Variants in ZNF385D observed in about 807,000 individuals in gnomAD.
The protein encoded by ZNF385D is zinc finger protein 385D.
A neutral mutation model predicts 35.8 loss-of-function variants in ZNF385D; 15 were observed. That is an observed-to-expected ratio of 0.42 (90% CI 0.28 to 0.64). The LOEUF (loss-of-function observed/expected upper bound fraction) is 0.64, where lower values mean the gene tolerates loss of function less well. Among genes scored for constraint, ZNF385D ranks in the 30% least tolerant of loss-of-function variants. The pLI is 0.23. For missense variants in ZNF385D, 474 were observed against 494.6 expected, an observed-to-expected ratio of 0.96 and a Z score of 0.39; for synonymous variants, 212 against 186.8, an observed-to-expected ratio of 1.13 and a Z score of -1.10.
chr3:21,912,027 T>G (rs1699986239), intron 3 of ZNF385D, among the ~76,000 whole-genome samples: 1 of 151,920 alleles, frequency 6.6e-6, no homozygotes, highest in Non-Finnish European at 1.5e-5. Context: ...ATATTTGAAC[T>G]AAACAAAATT....
chr3:21,450,397 T>C (rs73042502), intron 4 of ZNF385D, among the ~76,000 whole-genome samples: 42,233 of 152,012 alleles, frequency 0.28, 6,500 homozygotes, highest in East Asian at 0.43. Context: ...AAATAAGAAA[T>C]GTATGTATGT....
chr3:22,211,782 T>C (rs1029436263), intron 2 of ZNF385D, among the ~76,000 whole-genome samples: 1 of 151,928 alleles, frequency 6.6e-6, no homozygotes, highest in East Asian at 1.9e-4. Flanking sequence ...TTGACTACAC[T>C]CTGAGACTTT....
intron 3 of ZNF385D, among the ~76,000 whole-genome samples, chr3:22,096,353 T>A (rs1024673818): frequency 1.5e-5 from 2 of 133,472 alleles, no homozygotes; most frequent in Non-Finnish European, 3.5e-5. Flanking sequence ...TAAATACAAA[T>A]TTTTTTAAAA....
rs371386042 is a variant in ZNF385D, at chr3:21,804,406, G to A, written c.326-139378C>T. ...TACCAGTGGACAGTAACGTTTTCAAGAAATTAATCACGTGAAAAATTGAGT... is the reference window on the plus strand; with the variant it reads ...TACCAGTGGACAGTAACGTTTTCAAAAAATTAATCACGTGAAAAATTGAGT... On this transcript the variant is annotated intron_variant, in intron 3 of 5. Transcript: ENST00000494108. 2.6e-5 allele frequency among the ~76,000 whole-genome samples: 4 copies of A among 152,264 alleles called. No homozygotes were observed. The South Asian group carries it at 6.2e-4, about 24-fold the overall frequency.
At chr3:22,361,466 G>T in intron 2 of ZNF385D, among the ~76,000 whole-genome samples, 1 of 152,124 alleles carries the variant, frequency 6.6e-6, no homozygotes, top group South Asian at 2.1e-4. Flanking sequence ...TTCAGCATTC[G>T]CATAAAAGTA....
At chr3:21,917,073 A>G (rs1700224222) in intron 3 of ZNF385D, among the ~76,000 whole-genome samples, 1 of 152,222 alleles carries the variant, frequency 6.6e-6, no homozygotes, top group South Asian at 2.1e-4. Flanking sequence ...TCCATTAAAT[A>G]GAGTCCATTA....
chr3:22,085,936 A>G (rs75729948), intron 3 of ZNF385D, among the ~76,000 whole-genome samples: 3,295 of 152,326 alleles, frequency 0.022, 137 homozygotes, highest in African/African-American at 0.075. Flanking sequence ...TCACATAAAC[A>G]CAACCAATGA....
chr3:21,755,528 T>C (rs897925351), upstream of ZNF385D, among the ~76,000 whole-genome samples: 4 of 152,192 alleles, frequency 2.6e-5, no homozygotes, highest in African/African-American at 7.2e-5. Flanking sequence ...AATCAATCTT[T>C]GGGTGTCTGT....
intron 7 of ZNF385D, 29 bp from the exon 8 acceptor site, chr3:21,421,476 A>C: frequency 1.3e-6 from 2 of 1,564,804 alleles, no homozygotes; most frequent in Non-Finnish European, 8.7e-7. Context: ...ATTGTAAAAA[A>C]AACAACAGTT....
At chr3:22,189,751 A>G (rs1417311493) in intron 2 of ZNF385D, among the ~76,000 whole-genome samples, 1 of 152,166 alleles carries the variant, frequency 6.6e-6, no homozygotes, top group Non-Finnish European at 1.5e-5. Context: ...CAATAAGCCA[A>G]ATTTAAATAG....
chr3:21,459,534 T>C (rs1703036687), intron 4 of ZNF385D: 1 of 152,080 alleles, frequency 6.6e-6, no homozygotes, highest in Non-Finnish European at 1.5e-5. Context: ...ATATAAATGG[T>C]ATAGGCAATC....
intron 2 of ZNF385D, among the ~76,000 whole-genome samples, chr3:21,613,679 C>T (rs1575322221): frequency 1.3e-5 from 2 of 152,154 alleles, no homozygotes; most frequent in East Asian, 1.9e-4. Context: ...TAAATAGGTA[C>T]ACTTGTGTTA....
chr3:21,785,279 G>T (rs1418928849), intron 3 of ZNF385D, among the ~76,000 whole-genome samples: 1 of 151,936 alleles, frequency 6.6e-6, no homozygotes, highest in Non-Finnish European at 1.5e-5. Flanking sequence ...TATATATATG[G>T]TTCATAACTT....
chr3:21,715,561 T>C (rs960829605), intron 1 of ZNF385D, among the ~76,000 whole-genome samples: 6 of 152,126 alleles, frequency 3.9e-5, no homozygotes, highest in Admixed American at 2.0e-4. Context: ...AAGAAACATA[T>C]GAGTTCACAT....
chr3:21,743,967 A>T (rs17009434), intron 1 of ZNF385D, among the ~76,000 whole-genome samples: 13,071 of 152,256 alleles, frequency 0.086, 922 homozygotes, highest in East Asian at 0.28. Flanking sequence ...CTCATTTCTC[A>T]AGCTATTGGC....
intron 3 of ZNF385D, among the ~76,000 whole-genome samples, chr3:21,931,725 G>C (rs539826593): frequency 1.3e-5 from 2 of 152,230 alleles, no homozygotes; most frequent in East Asian, 1.9e-4. Context: ...GACAAGAGGG[G>C]TATTTGGGGG....
intron 3 of ZNF385D, among the ~76,000 whole-genome samples, chr3:22,007,713 G>A (rs536206261): frequency 3.3e-5 from 5 of 151,876 alleles, no homozygotes; most frequent in African/African-American, 1.2e-4. Context: ...TATAGTTTTA[G>A]TTTACATTTT....
At chr3:21,678,656 C>T (rs1420414283) in intron 1 of ZNF385D, among the ~76,000 whole-genome samples, 1 of 152,058 alleles carries the variant, frequency 6.6e-6, no homozygotes, top group Non-Finnish European at 1.5e-5. Context: ...GGACATTAAT[C>T]CCAAAGGAAG....
chr3:21,748,527 C>T (rs2069894105), intron 1 of ZNF385D, among the ~76,000 whole-genome samples: 1 of 152,192 alleles, frequency 6.6e-6, no homozygotes, highest in Non-Finnish European at 1.5e-5. Context: ...CCATGCTCTT[C>T]ATCACGCTCT....
Sources: gnomAD v4.1 joint callset for allele counts (sites outside exome capture counted in the v4.1 genomes callset) on GRCh38, gnomAD v4.1.1 for gene constraint, MANE v1.5 for transcripts, NCBI Gene and HGNC (gene_info 2026-07-23, HGNC 2026-07-21) for gene names.